Variants in NEK1 observed in about 807,000 individuals in gnomAD.
NEK1 encodes serine/threonine-protein kinase Nek1.
NEK1 carries 137 observed loss-of-function variants against 182.1 expected under a neutral mutation model. That is an observed-to-expected ratio of 0.75 (90% CI 0.65 to 0.87). The LOEUF is 0.87. Among genes scored for constraint, NEK1 ranks in the 40% least tolerant of loss-of-function variants. The pLI is 0.00. For missense variants in NEK1, 1,391 were observed against 1,494.4 expected (o/e 0.93, Z 1.14); for synonymous variants, 513 against 492.2 (o/e 1.04, Z -0.56).
rs1212529096 is a variant in NEK1 at position 169,433,699 on chromosome 4, A to G, written c.2765-34T>C. On this transcript the variant is annotated intron_variant, in intron 28 of 35. Transcript: ENST00000507142. ...GATAAACGTAACGAGAGACATCTCA[A>G]AGCAAAATTTGTCAAGAGAATATTG... 1.9e-6 allele frequency: 3 copies of G among 1,606,544 alleles called. No individual in the cohort carries two copies. In the South Asian group the frequency reaches 3.3e-5, roughly 18 times the overall value.
intron 26 of NEK1, among the ~76,000 whole-genome samples, chr4:169,472,706 G>A (rs1746228506): frequency 6.6e-6 from 1 of 152,056 alleles, no homozygotes; most frequent in African/African-American, 2.4e-5. Flanking sequence ...CACCATCTCA[G>A]AGATCTCACA....
intron 19 of NEK1, among the ~76,000 whole-genome samples, chr4:169,525,043 A>C (rs548076787): frequency 6.6e-6 from 1 of 152,178 alleles, no homozygotes; most frequent in Non-Finnish European, 1.5e-5. Context: ...ATTAGTGTTC[A>C]ATCTTCTGGG....
Position 169,429,089 on chromosome 4 carries a change from G to A in NEK1, c.2886-2855C>T, listed in dbSNP as rs1022237565. 6.7e-5 allele frequency among the ~76,000 whole-genome samples: 10 copies of A among 149,040 alleles called. No individual in the cohort carries two copies. In the South Asian group the frequency reaches 2.1e-3, roughly 32 times the overall value. ...TACTGTATTCGTGGGATGCAAACCC[G>A]TGTACACAGAGGGCTGGCTTTTCAT... On this transcript the variant is annotated intron_variant, in intron 29 of 35. Coordinates refer to ENST00000507142, the MANE Select transcript of NEK1 (RefSeq NM_001199397.3).
chr4:169,453,995 G>A (rs914962624), intron 27 of NEK1, among the ~76,000 whole-genome samples: 2 of 152,104 alleles, frequency 1.3e-5, no homozygotes, highest in African/African-American at 4.8e-5. Flanking sequence ...TAGACCAATA[G>A]AACAGAACAG....
chr4:169,544,428 CT>C (rs1490944272), intron 18 of NEK1, among the ~76,000 whole-genome samples: 1 of 151,870 alleles, frequency 6.6e-6, no homozygotes, highest in Non-Finnish European at 1.5e-5. Context: ...CTAAAATTCT[CT>C]TTTTTTGCTG....
chr4:169,441,990 C>T (rs1203956234), intron 27 of NEK1, among the ~76,000 whole-genome samples: 2 of 152,086 alleles, frequency 1.3e-5, no homozygotes, highest in African/African-American at 4.8e-5. Context: ...TGCCACCATC[C>T]ACCTGCACTA....
In NEK1 at chr4:169,432,802, G is replaced by A. The variant is rs373970086; in HGVS notation, c.2885+743C>T. ...TTAATTAATTAATTAATTTGAGTTGGAGAGTCTGTTGCCCAGGCTGGCATG... is the reference window on the plus strand; with the variant it reads ...TTAATTAATTAATTAATTTGAGTTGAAGAGTCTGTTGCCCAGGCTGGCATG... On this transcript the variant is annotated intron_variant, in intron 29 of 35. Coordinates refer to ENST00000507142, the MANE Select transcript of NEK1 (RefSeq NM_001199397.3). 3.5e-4 allele frequency among the ~76,000 whole-genome samples: 53 copies of A among 152,192 alleles called. No homozygotes were observed. The South Asian group carries it at 8.9e-3, about 26-fold the overall frequency.
chr4:169,461,533 C>A (rs748900845), intron 27 of NEK1, among the ~76,000 whole-genome samples: 1 of 152,054 alleles, frequency 6.6e-6, no homozygotes, highest in East Asian at 1.9e-4. Context: ...CAGCTGTGGC[C>A]GCAGAGCATT....
At chr4:169,487,554 A>T (rs546909946) in intron 23 of NEK1, among the ~76,000 whole-genome samples, 1 of 152,184 alleles carries the variant, frequency 6.6e-6, no homozygotes, top group African/African-American at 2.4e-5. Flanking sequence ...TTCTTTATCC[A>T]GTCTATCACT....
chr4:169,436,404 C>T (rs1275008025), intron 28 of NEK1, among the ~76,000 whole-genome samples: 1 of 152,062 alleles, frequency 6.6e-6, no homozygotes, highest in Non-Finnish European at 1.5e-5. Flanking sequence ...AAAACAGTTA[C>T]TGGAGGCTGA....
intron 9 of NEK1, 34 bp from the exon 10 acceptor site, chr4:169,585,583 CAT>C (rs747540693): frequency 6.4e-6 from 9 of 1,406,326 alleles, no homozygotes; most frequent in African/African-American, 1.4e-5. Context: ...ATATAGGAAA[CAT>C]ATATAAATTG....
intron 5 of NEK1, among the ~76,000 whole-genome samples, chr4:169,594,390 C>T (rs1041878231): frequency 6.6e-6 from 1 of 152,098 alleles, no homozygotes; most frequent in Admixed American, 6.5e-5. Flanking sequence ...AATGGAAAAA[C>T]TTGAACTTGG....
chr4:169,438,710 C>T (rs2149427473), intron 27 of NEK1, among the ~76,000 whole-genome samples: 1 of 152,286 alleles, frequency 6.6e-6, no homozygotes, highest in East Asian at 1.9e-4. Flanking sequence ...TATTTACCAC[C>T]TTCTCACTCC....
At chr4:169,580,630 T>G (rs1364318017) in intron 11 of NEK1, among the ~76,000 whole-genome samples, 1 of 152,026 alleles carries the variant, frequency 6.6e-6, no homozygotes, top group Non-Finnish European at 1.5e-5. Context: ...CAAGCCAGAT[T>G]TCATTTAAAT....
chr4:169,598,094 GAGAA>G (rs1286488620), intron 5 of NEK1, among the ~76,000 whole-genome samples: 1 of 152,088 alleles, frequency 6.6e-6, no homozygotes, highest in East Asian at 1.9e-4. Flanking sequence ...CAAAAGGGTG[GAGAA>G]AGAAGACTTT....
chr4:169,529,231 G>A (rs1202078044), intron 19 of NEK1, among the ~76,000 whole-genome samples: 1 of 151,994 alleles, frequency 6.6e-6, no homozygotes, highest in Non-Finnish European at 1.5e-5. Context: ...CAAATTGTAT[G>A]CTTATATCAA....
At chr4:169,416,880 G>A (rs1734632268) in intron 31 of NEK1, among the ~76,000 whole-genome samples, 1 of 152,130 alleles carries the variant, frequency 6.6e-6, no homozygotes, top group African/African-American at 2.4e-5. Context: ...ACTCCATTCT[G>A]GGAGACAGAG....
intron 29 of NEK1, among the ~76,000 whole-genome samples, chr4:169,432,686 G>A (rs1401921520): frequency 6.6e-6 from 1 of 152,120 alleles, no homozygotes; most frequent in Non-Finnish European, 1.5e-5. Flanking sequence ...TTTTGCTTAA[G>A]CATATACTAG....
At chr4:169,394,660 C>T (rs1218038585) in intron 35 of NEK1, 137 bp from the exon 36 acceptor site, 1 of 505,376 alleles carries the variant, frequency 2.0e-6, no homozygotes. Context: ...TTTTATCACA[C>T]ATTCCTTGTA....
Sources: allele counts gnomAD v4.1 joint callset (sites outside exome capture counted in the v4.1 genomes callset), GRCh38; gene constraint gnomAD v4.1.1; transcripts MANE v1.5; gene names NCBI Gene and HGNC (gene_info 2026-07-23, HGNC 2026-07-21).